Variants in ZBED6 observed in about 807,000 individuals in gnomAD.
ZBED6 encodes zinc finger BED domain-containing protein 6.
ZBED6 carries 40 observed loss-of-function variants against 58.4 expected under a neutral mutation model. The ratio of observed to expected loss-of-function variants is 0.68; its 90% confidence interval spans 0.53 to 0.89. The LOEUF (loss-of-function observed/expected upper bound fraction) is 0.89. ZBED6 is among the 40% of genes least tolerant of loss of function. The pLI is 0.00. For synonymous variants in ZBED6, 439 were observed against 350.6 expected (o/e 1.25, Z -2.82); for missense variants, 1,057 against 1,003.9 (o/e 1.05, Z -0.71).
intron 7 of ZBED6, among the ~76,000 whole-genome samples, chr1:203,831,351 T>C (rs1682298610): frequency 6.6e-6 from 1 of 152,190 alleles, no homozygotes; most frequent in Non-Finnish European, 1.5e-5. Flanking sequence ...TGATGGCTAG[T>C]GTACCTCTGA....
intron 1 of ZBED6, among the ~76,000 whole-genome samples, chr1:203,809,100 G>A (rs1477400384): frequency 6.6e-6 from 1 of 151,376 alleles, no homozygotes; most frequent in Non-Finnish European, 1.5e-5. Context: ...AAAGTGCTAG[G>A]ATTACAGGCA....
chr1:203,850,368 T>C, intron 14 of ZBED6, 147 bp from the exon 15 acceptor site: 1 of 1,207,144 alleles, frequency 8.3e-7, no homozygotes. Flanking sequence ...GACCACAAAT[T>C]GCCTTTGAAT....
At chr1:203,799,195 C>T in exon 1 of ZBED6, 2 of 1,166,844 alleles carry the variant, frequency 1.7e-6, no homozygotes, top group Non-Finnish European at 2.5e-6. Context: ...TTCCTTATCC[C>T]TAGCTTCATT....
At chr1:203,822,959 C>T (rs1414136635) in intron 3 of ZBED6, among the ~76,000 whole-genome samples, 1 of 152,178 alleles carries the variant, frequency 6.6e-6, no homozygotes. Context: ...CTACTCCAGT[C>T]TGGTTTTGTA....
At chr1:203,849,140 C>G (rs1270477797) in intron 13 of ZBED6, among the ~76,000 whole-genome samples, 1 of 152,222 alleles carries the variant, frequency 6.6e-6, no homozygotes, top group Non-Finnish European at 1.5e-5. Flanking sequence ...CTGCCTTGGC[C>G]TCCCAACGTG....
intron 9 of ZBED6, among the ~76,000 whole-genome samples, chr1:203,837,290 C>CA (rs11372939): frequency 0.84 from 118,566 of 141,558 alleles, 49,748 homozygotes; most frequent in East Asian, 0.95. Flanking sequence ...GATCCTGTCT[C>CA]AAAAAAAAAA....
exon 1 of ZBED6, chr1:203,802,022 G>C (rs1670674455): frequency 6.6e-6 from 1 of 152,574 alleles, no homozygotes; most frequent in African/African-American, 2.4e-5. Flanking sequence ...AGTGATACTG[G>C]TGTTGATACA....
chr1:203,801,704 C>G (rs970565241), exon 1 of ZBED6: 9 of 152,224 alleles, frequency 5.9e-5, no homozygotes, highest in African/African-American at 2.2e-4. Flanking sequence ...AAGATTTAGC[C>G]TAGAAATTAT....
At chr1:203,805,085 C>G (rs1225941562) in intron 1 of ZBED6, among the ~76,000 whole-genome samples, 1 of 151,196 alleles carries the variant, frequency 6.6e-6, no homozygotes, top group African/African-American at 2.4e-5. Context: ...TTATTGATTT[C>G]AAGATGTAGT....
At chr1:203,797,714 AAAG>A (rs1558085841) in exon 1 of ZBED6, 2 of 1,535,200 alleles carry the variant, frequency 1.3e-6, no homozygotes, top group Non-Finnish European at 1.7e-6. Flanking sequence ...AAAAGAAAAG[AAAG>A]AAGGGTTTGC....
In ZBED6 at chr1:203,840,698, G is replaced by T. The variant is rs1685841970; in HGVS notation, c.*3741+324G>T. Among the ~76,000 whole-genome samples, 7 of 151,814 alleles carry T rather than the reference G, an allele frequency of 4.6e-5. No individual in the cohort carries two copies. The South Asian group carries it at 1.5e-3, about 32-fold the overall frequency. ...GCCCAGGCTGGAGTTAAATGGCAAG[G>T]TCTCAGCTCACTGCAACCTCCACCT... On this transcript the variant is annotated intron_variant, in intron 11 of 16. Coordinates refer to ENST00000550078, the Ensembl canonical transcript of ZBED6.
At chr1:203,830,907 C>T (rs1682046731) in intron 7 of ZBED6, among the ~76,000 whole-genome samples, 1 of 120,742 alleles carries the variant, frequency 8.3e-6, no homozygotes, top group Non-Finnish European at 1.7e-5. Flanking sequence ...CCTGATTGCT[C>T]TGTATTTCCA....
intron 2 of ZBED6, 27 bp from the exon 3 acceptor site, chr1:203,818,543 A>G: frequency 6.2e-7 from 1 of 1,613,680 alleles, no homozygotes. Context: ...CAATGCTACA[A>G]ATAGAGTGTT....
intron 1 of ZBED6, among the ~76,000 whole-genome samples, chr1:203,813,923 CA>C (rs1478269522): frequency 6.6e-6 from 1 of 151,858 alleles, no homozygotes; most frequent in Non-Finnish European, 1.5e-5. Flanking sequence ...TAATCTCCAA[CA>C]AACTGTTGCC....
At chr1:203,832,819 A>G (rs191788338) in intron 8 of ZBED6, among the ~76,000 whole-genome samples, 11 of 152,378 alleles carry the variant, frequency 7.2e-5, no homozygotes, top group East Asian at 3.8e-4. Flanking sequence ...GACAGTTAAC[A>G]TCGGAGTAGA....
chr1:203,818,299 G>GA (rs1310708028), intron 2 of ZBED6, among the ~76,000 whole-genome samples: 17 of 149,660 alleles, frequency 1.1e-4, no homozygotes, highest in Non-Finnish European at 2.4e-4. Context: ...TTTTAAAGAG[G>GA]ACCTAACACT....
At chr1:203,823,598 C>T (rs1192737058) in intron 3 of ZBED6, among the ~76,000 whole-genome samples, 1 of 152,230 alleles carries the variant, frequency 6.6e-6, no homozygotes, top group Non-Finnish European at 1.5e-5. Flanking sequence ...GTCCCAGATG[C>T]TAGCCAAGAG....
chr1:203,851,774 A>G (rs190047324), intron 16 of ZBED6, among the ~76,000 whole-genome samples: 93 of 152,030 alleles, frequency 6.1e-4, no homozygotes, highest in Middle Eastern at 3.4e-3. Context: ...ACCAGCCTGG[A>G]CAACATAGTG....
rs760377233 is a variant in ZBED6, at chr1:203,849,832, G to A, written c.*4444G>A. On this transcript the variant is annotated 3_prime_UTR_variant, in exon 14 of 17. Coordinates refer to ENST00000550078, the Ensembl canonical transcript of ZBED6. ...GAAAAATCAGTCTTGACACCTCTTC[G>A]GGGAGATGTAGCCTCTTGCAATACC... The A allele has an allele frequency of 1.9e-5, 30 of 1,613,936 alleles. No homozygotes were observed. The highest frequency in any genetic ancestry group is 2.4e-5 in the Non-Finnish European group (28 of 1,179,960).
Sources: allele counts gnomAD v4.1 joint callset (sites outside exome capture counted in the v4.1 genomes callset), GRCh38; gene constraint gnomAD v4.1.1; transcripts MANE v1.5; gene names NCBI Gene and HGNC (gene_info 2026-07-23, HGNC 2026-07-21).